Variants in SULF1 observed in about 807,000 individuals in gnomAD.
SULF1 encodes sulfatase 1, also known as extracellular sulfatase Sulf-1.
Under a neutral mutation model 110.5 loss-of-function variants are expected in SULF1, and 46 were observed. The ratio of observed to expected loss-of-function variants is 0.42; its 90% CI spans 0.33 to 0.53. The LOEUF (loss-of-function observed/expected upper bound fraction) is 0.53, where lower values mean the gene tolerates loss of function less well. Ranked by LOEUF, SULF1 falls within the 20% of genes least tolerant of loss-of-function variation. The pLI is 0.12. For missense variants in SULF1, 941 were observed against 1,094.2 expected, an observed-to-expected ratio of 0.86 and a Z score of 1.98; for synonymous variants, 371 against 387.1, an observed-to-expected ratio of 0.96 and a Z score of 0.49.
intron 3 of SULF1, among the ~76,000 whole-genome samples, chr8:69,537,092 G>A (rs1477464801): frequency 1.3e-5 from 2 of 152,168 alleles, no homozygotes; most frequent in Admixed American, 6.5e-5. Flanking sequence ...CCCAGCAAAC[G>A]TAAGCTTCTA....
chr8:69,529,837 T>C (rs909556865), intron 3 of SULF1, among the ~76,000 whole-genome samples: 1 of 152,156 alleles, frequency 6.6e-6, no homozygotes, highest in Non-Finnish European at 1.5e-5. Context: ...GCAAAGTTTA[T>C]TAGGATCTAG....
chr8:69,524,986 A>G (rs79168095), intron 3 of SULF1, among the ~76,000 whole-genome samples: 1,691 of 152,300 alleles, frequency 0.011, 30 homozygotes, highest in African/African-American at 0.038. Context: ...ATAACGTATA[A>G]TACTGGCTTT....
At chr8:69,489,617 C>T (rs1809843777), upstream of SULF1, among the ~76,000 whole-genome samples, 1 of 142,644 alleles carries the variant, frequency 7.0e-6, no homozygotes, top group African/African-American at 2.7e-5. Context: ...TGCTCTGTCG[C>T]CCAGGCTGGA....
At chr8:69,539,711 T>C (rs1813733113) in intron 3 of SULF1, among the ~76,000 whole-genome samples, 1 of 152,208 alleles carries the variant, frequency 6.6e-6, no homozygotes, top group South Asian at 2.1e-4. Flanking sequence ...ATTTCTACGA[T>C]TTCTACGGAA....
At chr8:69,546,321 GC>G (rs1325461660) in intron 3 of SULF1, among the ~76,000 whole-genome samples, 2 of 152,160 alleles carry the variant, frequency 1.3e-5, no homozygotes, top group Non-Finnish European at 2.9e-5. Context: ...ATAAAGTTGT[GC>G]CTTATCATTA....
chr8:69,621,961 G>A (rs1275156119), intron 14 of SULF1, among the ~76,000 whole-genome samples: 2 of 152,102 alleles, frequency 1.3e-5, no homozygotes, highest in African/African-American at 2.4e-5. Context: ...ATACTGGTTT[G>A]GAAAGAAGCA....
In SULF1 at chr8:69,539,708, C is replaced by T. The variant is rs79370263; in HGVS notation, c.-133-23831C>T. On this transcript the variant is annotated intron_variant, in intron 3 of 22. Transcript: ENST00000402687. Reference sequence around the variant, plus strand: ...CTCGGGGAGGGACAGGGAATTTCTACGATTTCTACGGAAGAGAAGTAAGTG... The same window carrying T: ...CTCGGGGAGGGACAGGGAATTTCTATGATTTCTACGGAAGAGAAGTAAGTG... Among the ~76,000 whole-genome samples, 5 of 152,214 alleles carry T rather than the reference C, an allele frequency of 3.3e-5. No homozygotes were observed. The East Asian group carries it at 7.7e-4, about 23-fold the overall frequency.
chr8:69,506,935 G>A lies in SULF1; in HGVS notation c.-134+4967G>A, dbSNP rs149984618. On this transcript the variant is annotated intron_variant, in intron 3 of 22. Transcript: ENST00000402687. Reference sequence around the variant, plus strand: ...ATGGTCTTGTTCTATGCTCAAAAGCGCAAGTTGGTATGAGACATTACTTTG... The same window carrying A: ...ATGGTCTTGTTCTATGCTCAAAAGCACAAGTTGGTATGAGACATTACTTTG... Among the ~76,000 whole-genome samples, 382 of 152,310 alleles carry A rather than the reference G, an allele frequency of 2.5e-3. 1 individual carries two copies. Among genetic ancestry groups the A allele is most frequent in the Non-Finnish European group, 4.5e-3 (309 of 68,024 alleles).
rs553872277 is a variant in SULF1 at position 69,516,458 on chromosome 8, T to A, written c.-134+14490T>A. On this transcript the variant is annotated intron_variant, in intron 3 of 22. Transcript: ENST00000402687. ...ACAACAAGAGGGAAATCCACCCCCA[T>A]GATCAAATTACCGCCTACCAGGCCC... Among the ~76,000 whole-genome samples the A allele has an allele frequency of 4.6e-5, 7 of 151,944 alleles. No homozygotes were observed. The South Asian group carries it at 1.2e-3, about 27-fold the overall frequency.
At chr8:69,627,029 C>T (rs544657446) in intron 15 of SULF1, among the ~76,000 whole-genome samples, 181 bp from the exon 16 acceptor site, 1 of 152,270 alleles carries the variant, frequency 6.6e-6, no homozygotes, top group South Asian at 2.1e-4. Context: ...CACGCTGTCA[C>T]GACTGCCAGC....
At chr8:69,577,821 C>T (rs1446491708) in intron 6 of SULF1, among the ~76,000 whole-genome samples, 4 of 152,180 alleles carry the variant, frequency 2.6e-5, no homozygotes, top group African/African-American at 4.8e-5. Context: ...ATGAGCTAGT[C>T]GGTGATGGAA....
At chr8:69,499,890 C>T (rs1029460743) in intron 2 of SULF1, among the ~76,000 whole-genome samples, 5 of 152,078 alleles carry the variant, frequency 3.3e-5, no homozygotes, top group African/African-American at 1.2e-4. Flanking sequence ...GCTGATATTA[C>T]AGGTGCACAC....
intron 3 of SULF1, among the ~76,000 whole-genome samples, chr8:69,503,389 A>G (rs1287816299): frequency 6.6e-6 from 1 of 152,218 alleles, no homozygotes; most frequent in East Asian, 1.9e-4. Flanking sequence ...AAGAGAAGAT[A>G]AGTTGAAAGT....
At chr8:69,595,014 G>A (rs928190025) in intron 8 of SULF1, among the ~76,000 whole-genome samples, 10 of 152,146 alleles carry the variant, frequency 6.6e-5, no homozygotes, top group Middle Eastern at 3.2e-3. Flanking sequence ...ATTCATTGTT[G>A]CTTAGCAAAT....
At chr8:69,586,125 A>G (rs1172551157) in intron 6 of SULF1, among the ~76,000 whole-genome samples, 1 of 152,218 alleles carries the variant, frequency 6.6e-6, no homozygotes, top group Non-Finnish European at 1.5e-5. Flanking sequence ...TGATGGTTTC[A>G]TTGAGCTGTA....
chr8:69,524,867 G>T (rs1162503728), intron 3 of SULF1, among the ~76,000 whole-genome samples: 1 of 151,962 alleles, frequency 6.6e-6, no homozygotes, highest in African/African-American at 2.4e-5. Flanking sequence ...TGCAGAAAAA[G>T]GAATCCAATT....
At chr8:69,551,703 G>A (rs917427837) in intron 3 of SULF1, among the ~76,000 whole-genome samples, 30 of 152,218 alleles carry the variant, frequency 2.0e-4, no homozygotes, top group African/African-American at 6.3e-4. Flanking sequence ...CTACTTGTCT[G>A]GGCTTCACTT....
chr8:69,621,839 G>A (rs1809633042), intron 14 of SULF1, among the ~76,000 whole-genome samples: 1 of 152,118 alleles, frequency 6.6e-6, no homozygotes, highest in Non-Finnish European at 1.5e-5. Context: ...AGAAACCTAC[G>A]ATTATATAAA....
At chr8:69,520,176 A>T (rs1812202511) in intron 3 of SULF1, among the ~76,000 whole-genome samples, 1 of 151,720 alleles carries the variant, frequency 6.6e-6, no homozygotes, top group Non-Finnish European at 1.5e-5. Flanking sequence ...TCTATTTCAT[A>T]GGTCAACACA....
Sources: allele counts gnomAD v4.1 joint callset (sites outside exome capture counted in the v4.1 genomes callset), GRCh38; gene constraint gnomAD v4.1.1; transcripts MANE v1.5; gene names NCBI Gene and HGNC (gene_info 2026-07-23, HGNC 2026-07-21).